NFASC: variants seen among roughly 807,000 people sequenced by gnomAD.
The protein encoded by NFASC is neurofascin homolog.
NFASC carries 43 observed loss-of-function variants against 147.5 expected under a neutral mutation model. The observed-to-expected ratio is 0.29, with a 90% CI of 0.23 to 0.38. The LOEUF is 0.38. Among genes scored for constraint, NFASC ranks in the 10% least tolerant of loss-of-function variants. The pLI is 1.00. For missense variants in NFASC, 1,320 were observed against 1,689.0 expected (o/e 0.78, Z 3.83); for synonymous variants, 622 against 665.5 (o/e 0.93, Z 1.01).
intron 25 of NFASC, 40 bp downstream of exon 25, chr1:204,997,446 C>T (rs1299355385): frequency 2.8e-5 from 44 of 1,551,062 alleles, no homozygotes; most frequent in Non-Finnish European, 3.6e-5. Context: ...CCTCCTGGCC[C>T]GCCTCCCCAG....
chr1:204,985,700 C>T (rs1462021818), intron 21 of NFASC, among the ~76,000 whole-genome samples: 1 of 152,216 alleles, frequency 6.6e-6, no homozygotes, highest in Non-Finnish European at 1.5e-5. Flanking sequence ...AACCAAAACC[C>T]TTATTTCTTG....
rs2076782491 is a variant in NFASC at position 204,862,829 on chromosome 1, A to G, written c.-200+34047A>G. On this transcript the variant is annotated intron_variant, in intron 1 of 29. Transcript: ENST00000339876. Reference sequence around the variant, plus strand: ...GGTGAACTGGAACCTTGGTGAGTTAAGTTTTTAAATTTTTTAAATAGCACA... The same window carrying G: ...GGTGAACTGGAACCTTGGTGAGTTAGGTTTTTAAATTTTTTAAATAGCACA... 3.9e-5 allele frequency among the ~76,000 whole-genome samples: 6 copies of G among 152,314 alleles called. No homozygotes were observed. In the South Asian group the frequency reaches 1.2e-3, roughly 32 times the overall value.
intron 8 of NFASC, chr1:204,962,105 C>A (rs747962460): frequency 1.2e-6 from 2 of 1,612,636 alleles, no homozygotes; most frequent in Non-Finnish European, 1.7e-6. Flanking sequence ...TTGTTTGTTA[C>A]AGACCACCCT....
intron 1 of NFASC, among the ~76,000 whole-genome samples, chr1:204,883,343 G>A (rs1042904714): frequency 1.3e-5 from 2 of 152,198 alleles, no homozygotes; most frequent in African/African-American, 4.8e-5. Context: ...AGTGACAGCT[G>A]TGCAGGGCTG....
At position 204,973,562 on chromosome 1, in the gene NFASC, A is replaced by T. The variant is rs2095320537; in HGVS notation, c.1279+143A>T. 4 of 1,064,690 alleles carry T rather than the reference A, an allele frequency of 3.8e-6. 1 individual carries two copies. The South Asian group carries it at 6.6e-5, about 18-fold the overall frequency. 66.0% of individuals were successfully genotyped at this position (1,064,690 alleles called of 1,614,324 possible). The stretch of plus-strand genomic sequence containing the variant: ...GGTAAGAGGATGTTGGATAGGGGAA[A>T]CATGGAGATGGGAAAAAATTTGTGA... On this transcript the variant is annotated intron_variant, in intron 12 of 29. Transcript: ENST00000339876.
In NFASC at chr1:204,968,146, G is replaced by A. The variant is rs1301529657; in HGVS notation, c.707-103G>A. ...GGGATGGTTTCAGCTGGGAGGATCC[G>A]GCAGGGGCGGTGATGCCACTTCTCT... On this transcript the variant is annotated intron_variant, in intron 8 of 29. Coordinates refer to ENST00000339876, the MANE Select transcript of NFASC (RefSeq NM_001005388.3). The surrounding 1 kb of genome is among the most constrained non-coding windows in gnomAD (Gnocchi z 5.4). 8 of 815,648 alleles carry A rather than the reference G, an allele frequency of 9.8e-6. No homozygotes were observed. The highest frequency in any genetic ancestry group is 6.0e-5 in the South Asian group (4 of 66,318). The allele number at this position is 815,648 out of a possible 1,614,324, so 50.5% of individuals were successfully genotyped here.
rs1230559485 is a variant in NFASC, at chr1:205,002,749, G to A, written c.3289+1G>A. ...GTCATCACCTTTATGACCAGTACAG[G>A]TGAGAGGGGACCTGGCCTGGCCATC... On this transcript the variant is annotated splice_donor_variant, in intron 27 of 29. Coordinates refer to ENST00000339876, the MANE Select transcript of NFASC (RefSeq NM_001005388.3). LOFTEE classifies it high-confidence loss of function. 7 of 1,475,676 alleles carry A rather than the reference G, an allele frequency of 4.7e-6. No homozygotes were observed. The highest frequency in any genetic ancestry group is 6.4e-6 in the Non-Finnish European group (7 of 1,093,814). The allele number at this position is 1,475,676 out of a possible 1,614,324, so 91.4% of individuals were successfully genotyped here.
At chr1:204,953,768 T>G (rs369339102) in intron 5 of NFASC, among the ~76,000 whole-genome samples, 4 of 152,354 alleles carry the variant, frequency 2.6e-5, no homozygotes, top group Non-Finnish European at 5.9e-5. Flanking sequence ...GGGTGGAATA[T>G]GAATTCAAGT....
At chr1:204,870,928 G>T (rs531279412) in intron 1 of NFASC, 1 of 1,232,734 alleles carries the variant, frequency 8.1e-7, no homozygotes. Flanking sequence ...GAAGGATCTT[G>T]CTGGGATTTT....
At chr1:204,982,046 C>G (rs756359961) in intron 21 of NFASC, 26 bp downstream of exon 21, 17 of 1,456,146 alleles carry the variant, frequency 1.2e-5, no homozygotes, top group Middle Eastern at 1.8e-4. Flanking sequence ...CCCGTCCCCC[C>G]ATCAGGACCC....
chr1:204,946,783 C>A, intron 3 of NFASC: 1 of 515,112 alleles, frequency 1.9e-6, no homozygotes, highest in Admixed American at 2.0e-5. Flanking sequence ...CCGAGGCCCC[C>A]ACCATCCCTG....
At chr1:204,935,393 A>C (rs887078427) in intron 2 of NFASC, among the ~76,000 whole-genome samples, 1 of 152,200 alleles carries the variant, frequency 6.6e-6, no homozygotes, top group Admixed American at 6.5e-5. Flanking sequence ...GGGAGTGGGA[A>C]AGCTTTGTCA....
chr1:205,001,780 C>T (rs964847386), intron 26 of NFASC, among the ~76,000 whole-genome samples: 6 of 152,182 alleles, frequency 3.9e-5, no homozygotes, highest in African/African-American at 1.4e-4. Context: ...GAGTTGCTCA[C>T]CCTTTGCTGG....
chr1:204,872,933 A>C (rs1416672787), intron 1 of NFASC, among the ~76,000 whole-genome samples: 1 of 152,200 alleles, frequency 6.6e-6, no homozygotes, highest in South Asian at 2.1e-4. Context: ...CAGAGAAGTT[A>C]AGCATGTTGC....
Position 204,988,798 on chromosome 1 carries a change from C to T in NFASC, c.2759C>T (p.Pro920Leu), listed in dbSNP as rs146213953. The change falls in exon 23 of 30, where the codon CCG becomes CTG. Residue 920 changes from proline (P) to leucine (L), a missense_variant. Coordinates refer to ENST00000339876, the MANE Select transcript of NFASC (RefSeq NM_001005388.3). ...GTCACAGAGGAGTCACCAGCACCCC[C>T]GAATGAAGGTAGGTGCATGGCAGCA... ...EAVTEESPAP[P>L]NEATPTAAPP... 3.1e-4 allele frequency: 508 copies of T among 1,614,012 alleles called. No individual in the cohort carries two copies. Among genetic ancestry groups the T allele is most frequent in the Middle Eastern group, 2.7e-3 (16 of 6,012 alleles).
chr1:204,947,003 G>A, intron 3 of NFASC: 1 of 356,466 alleles, frequency 2.8e-6, no homozygotes, highest in Non-Finnish European at 5.6e-6. Context: ...GTCTCATAAG[G>A]TTGACTGGAA....
In NFASC at chr1:204,997,871, G is replaced by A. The variant is rs72753464; in HGVS notation, c.3019+465G>A. ...TCCTGCCCTGGCCACGTCTGCGTCCGGCCTAGAGGCTGAGCAGCAGGGAGT... is the reference window on the plus strand; with the variant it reads ...TCCTGCCCTGGCCACGTCTGCGTCCAGCCTAGAGGCTGAGCAGCAGGGAGT... On this transcript the variant is annotated intron_variant, in intron 25 of 29. Coordinates refer to ENST00000339876, the MANE Select transcript of NFASC (RefSeq NM_001005388.3). 3.6e-3 allele frequency: 742 copies of A among 203,900 alleles called. 2 individuals carry two copies. The highest frequency in any genetic ancestry group is 4.1e-3 in the Non-Finnish European group (410 of 99,804). 12.6% of individuals were successfully genotyped at this position (203,900 alleles called of 1,614,324 possible).
chr1:204,981,675 AG>A, intron 20 of NFASC, 122 bp from the exon 21 acceptor site: 1 of 574,654 alleles, frequency 1.7e-6, no homozygotes, highest in Non-Finnish European at 3.0e-6. Context: ...CTACCCTGCA[AG>A]GGGGCAGGCC....
At chr1:204,944,472 G>GTGGC in intron 3 of NFASC, 66 bp downstream of exon 3, 2 of 402,578 alleles carry the variant, frequency 5.0e-6, no homozygotes, top group Non-Finnish European at 5.0e-6. Flanking sequence ...GGAGGGGAGG[G>GTGGC]AAGGTCAGAG....
Sources: gnomAD v4.1 joint callset for allele counts (sites outside exome capture counted in the v4.1 genomes callset) on GRCh38, gnomAD v4.1.1 for gene constraint, Gnocchi (gnomAD v3.1) non-coding constraint, MANE v1.5 for transcripts, NCBI Gene and HGNC (gene_info 2026-07-23, HGNC 2026-07-21) for gene names.